The following NELL1 variants were observed in gnomAD, a reference collection of about 807,000 sequenced individuals.
NELL1 encodes protein kinase C-binding protein NELL1.
Under a neutral mutation model 107.4 loss-of-function variants are expected in NELL1, and 76 were observed. The observed-to-expected ratio is 0.71, with a 90% CI of 0.59 to 0.86. The LOEUF is 0.86. Among genes scored for constraint, NELL1 ranks in the 40% least tolerant of loss-of-function variants. NELL1 has a pLI of 0.00. For missense variants in NELL1, 1,024 were observed against 1,005.5 expected (o/e 1.02, Z -0.25); for synonymous variants, 353 against 341.2 (o/e 1.03, Z -0.38).
intron 13 of NELL1, among the ~76,000 whole-genome samples, chr11:21,135,312 G>A (rs898964572): frequency 1.3e-5 from 2 of 152,128 alleles, no homozygotes; most frequent in African/African-American, 2.4e-5. Flanking sequence ...TATTTCTTAG[G>A]TATAGATAGA....
chr11:20,763,556 T>C (rs920528243), intron 2 of NELL1, among the ~76,000 whole-genome samples: 2 of 152,232 alleles, frequency 1.3e-5, no homozygotes, highest in African/African-American at 4.8e-5. Flanking sequence ...CCAGATCTTC[T>C]GATCCCCAAT....
chr11:21,410,158 A>G (rs989088207), intron 15 of NELL1, among the ~76,000 whole-genome samples: 8 of 151,978 alleles, frequency 5.3e-5, no homozygotes, highest in African/African-American at 1.9e-4. Flanking sequence ...CACAGTGGAA[A>G]TGTAAATTAC....
chr11:21,371,349 G>A (rs973436492), intron 15 of NELL1, among the ~76,000 whole-genome samples: 6 of 152,044 alleles, frequency 3.9e-5, no homozygotes, highest in Non-Finnish European at 7.4e-5. Flanking sequence ...TGCTCCTTGC[G>A]TAAAACCACA....
Position 21,024,818 on chromosome 11 carries a change from T to C in NELL1, c.1300+64258T>C, listed in dbSNP as rs1354317278. On this transcript the variant is annotated intron_variant, in intron 12 of 19. Coordinates refer to ENST00000357134, the MANE Select transcript of NELL1 (RefSeq NM_006157.5). ...CTTCCACCTTTCCTATTTATGTACA[T>C]TATGGTTCATTGCATGAAAAAGAAT... Among the ~76,000 whole-genome samples, 3 of 152,256 alleles carry C rather than the reference T, an allele frequency of 2.0e-5. No homozygotes were observed. In the East Asian group the frequency reaches 5.8e-4, roughly 29 times the overall value.
chr11:20,840,465 A>G (rs1848601618), intron 3 of NELL1, among the ~76,000 whole-genome samples: 1 of 152,200 alleles, frequency 6.6e-6, no homozygotes, highest in African/African-American at 2.4e-5. Flanking sequence ...AAGAGTGGAC[A>G]GCTGGGCAGG....
chr11:21,469,234 A>G (rs1854112805), intron 15 of NELL1, among the ~76,000 whole-genome samples: 1 of 152,036 alleles, frequency 6.6e-6, no homozygotes, highest in African/African-American at 2.4e-5. Flanking sequence ...GGACGACTGA[A>G]AGACCAAATC....
intron 13 of NELL1, 129 bp downstream of exon 13, chr11:21,113,843 A>C: frequency 1.1e-6 from 1 of 899,824 alleles, no homozygotes; most frequent in Non-Finnish European, 1.6e-6. Flanking sequence ...TTATTACTTC[A>C]CCCCACCTTT....
At chr11:20,863,836 G>A (rs934338206) in intron 4 of NELL1, among the ~76,000 whole-genome samples, 1 of 152,212 alleles carries the variant, frequency 6.6e-6, no homozygotes, top group African/African-American at 2.4e-5. Context: ...CTGAGTGAAC[G>A]AGACTCCGTC....
intron 14 of NELL1, among the ~76,000 whole-genome samples, chr11:21,309,688 C>G (rs1849705640): frequency 6.6e-6 from 1 of 151,904 alleles, no homozygotes; most frequent in Admixed American, 6.6e-5. Flanking sequence ...GGAGGCCTCA[C>G]AATCACGGCA....
chr11:20,757,276 T>G (rs1485351337), intron 2 of NELL1, among the ~76,000 whole-genome samples: 2 of 152,148 alleles, frequency 1.3e-5, no homozygotes, highest in South Asian at 4.1e-4. Context: ...TTCCAAAATT[T>G]TTTATCACCC....
At chr11:20,702,661 CTT>C (rs1854825930) in intron 2 of NELL1, among the ~76,000 whole-genome samples, 1 of 152,110 alleles carries the variant, frequency 6.6e-6, no homozygotes, top group Admixed American at 6.5e-5. Context: ...ATAAAAAGCT[CTT>C]ATTATTTTGA....
At chr11:20,923,571 A>G (rs1850427033) in intron 7 of NELL1, among the ~76,000 whole-genome samples, 1 of 152,124 alleles carries the variant, frequency 6.6e-6, no homozygotes, top group Admixed American at 6.6e-5. Flanking sequence ...GGAACTACCT[A>G]CCTGCTGGGA....
At chr11:20,717,331 C>T (rs930989615) in intron 2 of NELL1, among the ~76,000 whole-genome samples, 4 of 152,152 alleles carry the variant, frequency 2.6e-5, no homozygotes, top group African/African-American at 9.7e-5. Context: ...GTTTGTCCCA[C>T]CTAAATCACT....
At chr11:20,859,645 G>A (rs1279769669) in intron 4 of NELL1, among the ~76,000 whole-genome samples, 3 of 152,250 alleles carry the variant, frequency 2.0e-5, no homozygotes, top group Admixed American at 6.5e-5. Context: ...TCTTTAAGGG[G>A]ACTTTGCAAT....
At chr11:21,126,184 G>A (rs1855482925) in intron 13 of NELL1, among the ~76,000 whole-genome samples, 1 of 152,106 alleles carries the variant, frequency 6.6e-6, no homozygotes, top group Non-Finnish European at 1.5e-5. Context: ...TAGGATAGCA[G>A]GCTGTGTTAA....
intron 2 of NELL1, among the ~76,000 whole-genome samples, chr11:20,698,734 A>C (rs537923857): frequency 1.5e-4 from 23 of 152,184 alleles, no homozygotes; most frequent in Admixed American, 4.6e-4. Context: ...ATTTTGGTGC[A>C]CCCATGACCT....
At chr11:21,366,412 A>G (rs1307320316) in intron 14 of NELL1, among the ~76,000 whole-genome samples, 1 of 152,140 alleles carries the variant, frequency 6.6e-6, no homozygotes, top group Non-Finnish European at 1.5e-5. Context: ...GGTCAAATTA[A>G]TTATAACCTT....
chr11:21,164,028 T>G (rs1430519956), intron 13 of NELL1, among the ~76,000 whole-genome samples: 1 of 152,112 alleles, frequency 6.6e-6, no homozygotes, highest in Non-Finnish European at 1.5e-5. Flanking sequence ...AAAAGTCATA[T>G]AAGAACAGAG....
intron 13 of NELL1, among the ~76,000 whole-genome samples, chr11:21,132,821 C>G (rs956334380): frequency 5.9e-5 from 9 of 151,992 alleles, no homozygotes; most frequent in African/African-American, 2.2e-4. Context: ...ATGTTTAAAC[C>G]CTGTTTGCGT....
Sources: allele counts gnomAD v4.1 joint callset (sites outside exome capture counted in the v4.1 genomes callset), GRCh38; gene constraint gnomAD v4.1.1; transcripts MANE v1.5; gene names NCBI Gene and HGNC (gene_info 2026-07-23, HGNC 2026-07-21).